Variants in TMEM117 observed in about 807,000 individuals in gnomAD.
The protein encoded by TMEM117 is transmembrane protein 117.
TMEM117 carries 27 observed loss-of-function variants against 52.4 expected under a neutral mutation model. The ratio of observed to expected loss-of-function variants is 0.51; its 90% confidence interval spans 0.38 to 0.71. The LOEUF is 0.71. TMEM117 is among the 30% of genes least tolerant of loss of function. TMEM117 has a pLI of 0.00. For missense variants in TMEM117, 556 were observed against 630.5 expected (o/e 0.88, Z 1.26); for synonymous variants, 215 against 206.3 (o/e 1.04, Z -0.36).
intron 5 of TMEM117, among the ~76,000 whole-genome samples, chr12:44,274,120 A>G (rs142284757): frequency 0.011 from 1,626 of 152,320 alleles, 11 homozygotes; most frequent in African/African-American, 0.018. Flanking sequence ...GTTGCAGGAT[A>G]TGAAATCAAC....
chr12:43,894,196 GC>G (rs1350551863), intron 2 of TMEM117, among the ~76,000 whole-genome samples: 2 of 152,158 alleles, frequency 1.3e-5, no homozygotes. Flanking sequence ...ATTAATGGCA[GC>G]CACCTTGGGG....
chr12:44,302,160 A>T (rs898960427), intron 6 of TMEM117, among the ~76,000 whole-genome samples: 2 of 151,980 alleles, frequency 1.3e-5, no homozygotes, highest in African/African-American at 4.8e-5. Context: ...GCCACCACAC[A>T]TCCACGTACC....
chr12:44,314,379 T>C (rs1425753253), intron 6 of TMEM117, among the ~76,000 whole-genome samples: 1 of 152,196 alleles, frequency 6.6e-6, no homozygotes, highest in Non-Finnish European at 1.5e-5. Flanking sequence ...TTAATTCTGG[T>C]TTTGTGGTGA....
At chr12:44,042,906 A>G (rs879135395) in intron 3 of TMEM117, among the ~76,000 whole-genome samples, 1 of 151,802 alleles carries the variant, frequency 6.6e-6, no homozygotes, top group African/African-American at 2.4e-5. Flanking sequence ...GAGTTCTTTC[A>G]TTGGTTTTGG....
chr12:44,035,050 G>T (rs9919742), intron 3 of TMEM117, among the ~76,000 whole-genome samples: 14,776 of 152,216 alleles, frequency 0.097, 1,115 homozygotes, highest in African/African-American at 0.21. Context: ...TCCCATGGTT[G>T]TCAGGCTTTC....
At chr12:44,386,653 A>G (rs531926234) in intron 7 of TMEM117, among the ~76,000 whole-genome samples, 13 of 152,206 alleles carry the variant, frequency 8.5e-5, no homozygotes, top group South Asian at 8.3e-4. Flanking sequence ...CACTGTCCTT[A>G]GCATCTAGTA....
At chr12:44,325,296 G>A (rs1951180805) in intron 6 of TMEM117, among the ~76,000 whole-genome samples, 1 of 152,062 alleles carries the variant, frequency 6.6e-6, no homozygotes, top group Non-Finnish European at 1.5e-5. Flanking sequence ...TGAAAACTAT[G>A]AATATCCACA....
At chr12:43,877,321 GA>G (rs1403054757) in intron 2 of TMEM117, among the ~76,000 whole-genome samples, 1 of 152,106 alleles carries the variant, frequency 6.6e-6, no homozygotes, top group East Asian at 1.9e-4. Flanking sequence ...CTAATTGAGA[GA>G]ATCTATCTCA....
chr12:44,174,997 A>T (rs1244973955), intron 4 of TMEM117, among the ~76,000 whole-genome samples: 1 of 152,200 alleles, frequency 6.6e-6, no homozygotes, highest in Non-Finnish European at 1.5e-5. Flanking sequence ...GGACCTTGAA[A>T]TTGTACAATT....
intron 6 of TMEM117, among the ~76,000 whole-genome samples, chr12:44,341,667 A>C (rs901965632): frequency 2.0e-5 from 3 of 152,126 alleles, no homozygotes; most frequent in African/African-American, 7.2e-5. Context: ...AGAACATGTT[A>C]GGAGAGACAA....
intron 4 of TMEM117, among the ~76,000 whole-genome samples, chr12:44,150,023 T>TC (rs1326923501): frequency 6.6e-6 from 1 of 152,192 alleles, no homozygotes; most frequent in Non-Finnish European, 1.5e-5. Context: ...AGCTGAACAT[T>TC]CCTCTGGGTC....
At chr12:44,237,293 AG>A (rs1950008644) in intron 5 of TMEM117, among the ~76,000 whole-genome samples, 1 of 151,866 alleles carries the variant, frequency 6.6e-6, no homozygotes, top group Non-Finnish European at 1.5e-5. Flanking sequence ...AGGCTTCTGA[AG>A]CCCCCGGACG....
intron 3 of TMEM117, among the ~76,000 whole-genome samples, chr12:43,969,529 T>A (rs11182357): frequency 0.95 from 142,090 of 149,292 alleles, 67,502 homozygotes; most frequent in East Asian, 1. Context: ...ATCAAAAAAA[T>A]AATAATAATA....
At chr12:44,355,260 T>C (rs1332328009) in intron 6 of TMEM117, among the ~76,000 whole-genome samples, 1 of 152,062 alleles carries the variant, frequency 6.6e-6, no homozygotes, top group African/African-American at 2.4e-5. Context: ...ATCAAATTTG[T>C]GTTTGAATAT....
intron 2 of TMEM117, among the ~76,000 whole-genome samples, chr12:43,856,792 C>A (rs1271819537): frequency 6.6e-6 from 1 of 151,290 alleles, no homozygotes; most frequent in Non-Finnish European, 1.5e-5. Context: ...TTTTATATAT[C>A]ACAAATCTAT....
intron 3 of TMEM117, among the ~76,000 whole-genome samples, chr12:43,964,490 T>A (rs1486873006): frequency 1.3e-5 from 2 of 152,238 alleles, no homozygotes; most frequent in East Asian, 3.8e-4. Context: ...TAACACACAA[T>A]GTCCTTCTTC....
chr12:44,013,925 A>T (rs553382713), intron 3 of TMEM117, among the ~76,000 whole-genome samples: 3 of 152,248 alleles, frequency 2.0e-5, no homozygotes, highest in African/African-American at 4.8e-5. Context: ...TGCTGTTAGG[A>T]TGGAGTGGCA....
At chr12:44,380,129 T>A (rs994336610) in intron 7 of TMEM117, among the ~76,000 whole-genome samples, 5 of 152,206 alleles carry the variant, frequency 3.3e-5, no homozygotes, top group African/African-American at 4.8e-5. Context: ...TATCTCAGCT[T>A]TAATTTGTTT....
chr12:44,255,336 CTT>C (rs1408748972), intron 5 of TMEM117, among the ~76,000 whole-genome samples: 1 of 152,064 alleles, frequency 6.6e-6, no homozygotes, highest in Non-Finnish European at 1.5e-5. Flanking sequence ...TGAACAGACA[CTT>C]CTCAAAAGAA....
Sources: gnomAD v4.1 joint callset for allele counts (sites outside exome capture counted in the v4.1 genomes callset) on GRCh38, gnomAD v4.1.1 for gene constraint, MANE v1.5 for transcripts, NCBI Gene and HGNC (gene_info 2026-07-23, HGNC 2026-07-21) for gene names.